RBM6: variants seen among roughly 807,000 people sequenced by gnomAD.
The protein encoded by RBM6 is RNA-binding protein 6.
In RBM6, 23 loss-of-function variants were observed where a neutral mutation model predicts 140.4. The observed-to-expected ratio is 0.16, with a 90% CI of 0.12 to 0.23. The LOEUF (loss-of-function observed/expected upper bound fraction) is 0.23. Ranked by LOEUF, RBM6 falls within the 10% of genes least tolerant of loss-of-function variation. The pLI is 1.00. For missense variants in RBM6, 1,139 were observed against 1,386.7 expected (o/e 0.82, Z 2.84); for synonymous variants, 439 against 475.6 (o/e 0.92, Z 1.00).
chr3:49,998,612 C>T (rs192383704), intron 5 of RBM6, among the ~76,000 whole-genome samples: 1 of 152,270 alleles, frequency 6.6e-6, no homozygotes, highest in East Asian at 1.9e-4. Context: ...AACTCTCAGG[C>T]CTGTGCTGCA....
chr3:49,993,486 A>G (rs1342134832), intron 5 of RBM6, among the ~76,000 whole-genome samples: 1 of 152,114 alleles, frequency 6.6e-6, no homozygotes, highest in Non-Finnish European at 1.5e-5. Flanking sequence ...TACTAAAAGT[A>G]CAAAAATTAG....
chr3:50,034,576 C>T (rs1000288008), intron 6 of RBM6, among the ~76,000 whole-genome samples: 3 of 152,118 alleles, frequency 2.0e-5, no homozygotes, highest in Non-Finnish European at 4.4e-5. Flanking sequence ...GCCTGGCCAA[C>T]ATGGCGAAAC....
At position 50,077,128 on chromosome 3, in the gene RBM6, G is replaced by A. The variant is rs368502555; in HGVS notation, c.3367G>A (p.Asp1123Asn). 22 of 1,608,780 alleles carry A rather than the reference G, an allele frequency of 1.4e-5. No individual in the cohort carries two copies. The highest frequency in any genetic ancestry group is 1.8e-5 in the Non-Finnish European group (21 of 1,178,342). Reference sequence around the variant, plus strand: ...CATGTTTGCTCGATATAAAGAACTCGATTAAGAAAGGAGACAAGTTCCATG... The same window carrying A: ...CATGTTTGCTCGATATAAAGAACTCAATTAAGAAAGGAGACAAGTTCCATG... ...RVMFARYKELD is the reference protein window; with the variant it reads ...RVMFARYKELN Residue 1123 changes from aspartate (D) to asparagine (N), a missense_variant, in exon 21 of 21, where the codon GAT (aspartate) becomes AAT (asparagine). Asp to Asn is a conservative substitution (Grantham distance 23). Coordinates refer to ENST00000266022, the MANE Select transcript of RBM6 (RefSeq NM_005777.3).
At chr3:49,977,389 G>T (rs1245462902) in intron 5 of RBM6, among the ~76,000 whole-genome samples, 1 of 152,162 alleles carries the variant, frequency 6.6e-6, no homozygotes, top group Non-Finnish European at 1.5e-5. Context: ...TCGGGCAGTT[G>T]TTTTCCATCA....
At chr3:49,969,331 T>G (rs1450757382) in intron 3 of RBM6, among the ~76,000 whole-genome samples, 1 of 150,312 alleles carries the variant, frequency 6.7e-6, no homozygotes, top group East Asian at 1.9e-4. Context: ...CCAGTTTTTT[T>G]TTTTTTTTTT....
intron 6 of RBM6, among the ~76,000 whole-genome samples, chr3:50,019,622 T>G (rs1007044325): frequency 1.3e-5 from 2 of 152,188 alleles, no homozygotes; most frequent in Non-Finnish European, 2.9e-5. Flanking sequence ...CCCAAAGTGC[T>G]GGGATTACAG....
chr3:50,040,463 AAAAAAAAAATATATAT>A (rs1371603790), intron 6 of RBM6, among the ~76,000 whole-genome samples: 2 of 51,596 alleles, frequency 3.9e-5, no homozygotes, highest in South Asian at 1.1e-3. Context: ...AAAAAAAAAA[AAAAAAAAAATATATAT>A]ATATATATAT....
intron 5 of RBM6, among the ~76,000 whole-genome samples, chr3:49,981,935 A>G (rs2085322485): frequency 2.0e-5 from 3 of 152,364 alleles, no homozygotes; most frequent in Middle Eastern, 6.8e-3. Flanking sequence ...CTTCTGGATT[A>G]TGTTTCCTAA....
intron 6 of RBM6, among the ~76,000 whole-genome samples, chr3:50,000,142 T>TTAC (rs1426345952): frequency 1.3e-5 from 2 of 152,102 alleles, no homozygotes; most frequent in African/African-American, 2.4e-5. Context: ...CTATCTGGAG[T>TTAC]TACTCAGCTT....
chr3:50,037,545 A>G (rs762884310), intron 6 of RBM6, among the ~76,000 whole-genome samples: 1 of 152,220 alleles, frequency 6.6e-6, no homozygotes, highest in Non-Finnish European at 1.5e-5. Flanking sequence ...CTCTTTGAGG[A>G]CGTTACAGGC....
intron 1 of RBM6, among the ~76,000 whole-genome samples, chr3:49,959,829 C>A (rs1463015502): frequency 2.0e-5 from 3 of 152,138 alleles, no homozygotes; most frequent in African/African-American, 7.2e-5. Context: ...GCCTCAGCCT[C>A]CCAAAGTGCA....
chr3:50,066,746 A>G (rs905633792), intron 17 of RBM6, among the ~76,000 whole-genome samples: 6 of 151,980 alleles, frequency 3.9e-5, no homozygotes, highest in Non-Finnish European at 7.4e-5. Flanking sequence ...GAGAATTGCT[A>G]GAACCTGGGA....
At chr3:50,039,540 C>T (rs927326351) in intron 6 of RBM6, among the ~76,000 whole-genome samples, 4 of 150,648 alleles carry the variant, frequency 2.7e-5, no homozygotes, top group East Asian at 1.9e-4. Context: ...CATGGGCCAC[C>T]GCACCCAGCA....
At chr3:49,974,579 A>C (rs2084972464) in intron 4 of RBM6, among the ~76,000 whole-genome samples, 1 of 149,208 alleles carries the variant, frequency 6.7e-6, no homozygotes, top group African/African-American at 2.5e-5. Flanking sequence ...TTACCGTGTT[A>C]GCCAGGATGG....
At chr3:50,072,083 CAAAAAAA>C (rs974465674) in intron 19 of RBM6, among the ~76,000 whole-genome samples, 21 of 41,456 alleles carry the variant, frequency 5.1e-4, no homozygotes, top group Admixed American at 5.5e-4. Context: ...GACTCTGTCT[CAAAAAAA>C]AAAAAAAAAA....
At chr3:49,984,634 TCGCA>T (rs1559552875) in intron 5 of RBM6, among the ~76,000 whole-genome samples, 21 of 52,952 alleles carry the variant, frequency 4.0e-4, no homozygotes, top group African/African-American at 9.5e-4. Context: ...TCGCATCGCA[TCGCA>T]TCGCATCGCA....
chr3:50,076,913 GCTT>G (rs1207533764), intron 20 of RBM6, 92 bp from the exon 21 acceptor site: 1 of 1,284,352 alleles, frequency 7.8e-7, no homozygotes, highest in Non-Finnish European at 1.0e-6. Flanking sequence ...CCTATATACT[GCTT>G]CTTACTAGTC....
intron 1 of RBM6, among the ~76,000 whole-genome samples, chr3:49,960,575 T>A (rs2084236224): frequency 6.6e-6 from 1 of 152,200 alleles, no homozygotes; most frequent in African/African-American, 2.4e-5. Context: ...CCTTGTGCTG[T>A]AGGGGTCATA....
intron 1 of RBM6, among the ~76,000 whole-genome samples, chr3:49,945,881 C>CAAAAAAAAAAAAAAAAAAAAAAAAA (rs67271820): frequency 1.6e-5 from 1 of 61,924 alleles, no homozygotes; most frequent in Non-Finnish European, 3.0e-5. Flanking sequence ...GACTCCATCT[C>CAAAAAAAAAAAAAAAAAAAAAAAAA]AAAAAAAAAA....
Sources: allele counts gnomAD v4.1 joint callset (sites outside exome capture counted in the v4.1 genomes callset), GRCh38; gene constraint gnomAD v4.1.1; transcripts MANE v1.5; gene names NCBI Gene and HGNC (gene_info 2026-07-23, HGNC 2026-07-21).